The following DNAJC5G variants were observed in gnomAD, a reference collection of about 807,000 sequenced individuals.
DNAJC5G encodes DnaJ heat shock protein family (Hsp40) member C5 gamma.
DNAJC5G carries 13 observed loss-of-function variants against 19.1 expected under a neutral mutation model. The observed-to-expected ratio is 0.68, with a 90% CI of 0.44 to 1.08. The LOEUF (loss-of-function observed/expected upper bound fraction) is 1.08. Among genes scored for constraint, DNAJC5G ranks in the 50% least tolerant of loss-of-function variants. The probability of loss-of-function intolerance (pLI) is 0.00; values close to 1 mark genes in which losing one functional copy is unlikely to be tolerated. For synonymous variants in DNAJC5G, 81 were observed against 84.4 expected, an observed-to-expected ratio of 0.96 and a Z score of 0.22; for missense variants, 245 against 230.4, an observed-to-expected ratio of 1.06 and a Z score of -0.41.
chr2:27,278,383 T>G, intron 5 of DNAJC5G, 51 bp downstream of exon 5: 1 of 1,605,784 alleles, frequency 6.2e-7, no homozygotes, highest in Non-Finnish European at 8.5e-7. Context: ...GGATTGGGAA[T>G]GAAAGAAATG....
At chr2:27,279,797 C>T (rs1372227348) in intron 5 of DNAJC5G, among the ~76,000 whole-genome samples, 6 of 151,478 alleles carry the variant, frequency 4.0e-5, no homozygotes, top group African/African-American at 1.5e-4. Context: ...GCAGTGCACA[C>T]CTGTAGTCTC....
Position 27,276,753 on chromosome 2 carries a change from C to T in DNAJC5G, c.25C>T (p.His9Tyr), listed in dbSNP as rs1226226331. The T allele has an allele frequency of 3.7e-6, 6 of 1,614,034 alleles. No homozygotes were observed. Among genetic ancestry groups the T allele is most frequent in the Middle Eastern group, 1.7e-4 (1 of 6,046 alleles). The change falls in exon 3 of 7, where the codon CAC (histidine) becomes TAC (tyrosine). Residue 9 changes from histidine (H) to tyrosine (Y), a missense_variant. His to Tyr is a moderately conservative substitution (Grantham distance 83). Coordinates refer to ENST00000296097, the MANE Select transcript of DNAJC5G (RefSeq NM_173650.3). The stretch of plus-strand genomic sequence containing the variant: ...CATGTCTACTGTGAAGGAAGCAGCA[C>T]ACCGGCTGTCCAAAAGTGAGATGAG... MSTVKEAAHRLSKSEMSLY... is the reference protein window; with the variant it reads MSTVKEAAYRLSKSEMSLY...
Position 27,278,176 on chromosome 2 carries a change from C to T in DNAJC5G, c.376-12C>T. 1 of 1,614,140 alleles carries T rather than the reference C, an allele frequency of 6.2e-7. No homozygotes were observed. The highest frequency in any genetic ancestry group is 8.5e-7 in the Non-Finnish European group (1 of 1,180,036). ...AACTGCTGGACTGAGGCCATTCTCG[C>T]CTACCTTTTAGACACTTGTCATCCT... On this transcript the variant is annotated splice_polypyrimidine_tract_variant and intron_variant, in intron 4 of 6. Transcript: ENST00000296097.
At position 27,280,244 on chromosome 2, in the gene DNAJC5G, C is replaced by G; in HGVS notation, c.*18+11C>G. The stretch of plus-strand genomic sequence containing the variant: ...ATGAAGAAGGATGAGGTATGTAAAC[C>G]GAAAGGCAGCAACAGTTATCAGATA... On this transcript the variant is annotated intron_variant, in intron 6 of 6. Transcript: ENST00000296097. 6.2e-7 allele frequency: 1 copy of G among 1,607,424 alleles called. No homozygotes were observed.
chr2:27,280,188 C>G lies in DNAJC5G; in HGVS notation c.543C>G (p.Ser181Arg), dbSNP rs766733522. The stretch of plus-strand genomic sequence containing the variant: ...TAGGAGCCAAATGTGATTTTAGAAG[C>G]GAGGAAAATAGCGAAGATGATTTTT... Reference protein sequence around the residue: ...PRSGAKCDFRSEENSEDDF With the variant: ...PRSGAKCDFRREENSEDDF Residue 181 changes from serine (S) to arginine (R), a missense_variant, in exon 6 of 7, where the codon AGC becomes AGG. Coordinates refer to ENST00000296097, the MANE Select transcript of DNAJC5G (RefSeq NM_173650.3). 1 of 1,613,596 alleles carries G rather than the reference C, an allele frequency of 6.2e-7. No homozygotes were observed.
At chr2:27,277,026 C>T (rs1678122200) in intron 3 of DNAJC5G, among the ~76,000 whole-genome samples, 185 bp downstream of exon 3, 2 of 150,358 alleles carry the variant, frequency 1.3e-5, no homozygotes, top group Admixed American at 1.3e-4. Flanking sequence ...ACTGCAACCT[C>T]TGCCTCCCAG....
Position 27,277,249 on chromosome 2 carries a change from C to CGTTTGTTTGTTT in DNAJC5G, c.113+429_113+440dup, listed in dbSNP as rs370986157. On this transcript the variant is annotated intron_variant, in intron 3 of 6. Coordinates refer to ENST00000296097, the MANE Select transcript of DNAJC5G (RefSeq NM_173650.3). The stretch of plus-strand genomic sequence containing the variant: ...GAACCACTGTGCCTGGCCTACGACC[C>CGTTTGTTTGTTT]GTTTGTTTGTTTGTTTGTTTGTTTG... Among the ~76,000 whole-genome samples, 83 of 147,860 alleles carry CGTTTGTTTGTTT rather than the reference C, an allele frequency of 5.6e-4. 1 individual carries two copies. Among genetic ancestry groups the CGTTTGTTTGTTT allele is most frequent in the African/African-American group, 2.0e-3 (75 of 38,428 alleles).
In DNAJC5G at chr2:27,278,240, G is replaced by A. The variant is rs1243020608; in HGVS notation, c.428G>A (p.Cys143Tyr). Residue 143 changes from cysteine to tyrosine, a missense_variant, in exon 5 of 7, where the codon TGC becomes TAC. By Grantham distance (194) the Cys-to-Tyr change is radical. Coordinates refer to ENST00000296097, the MANE Select transcript of DNAJC5G (RefSeq NM_173650.3). ...ACTTGTTGCTGTTTCTGTTGTTGCT[G>A]CTGTTTTTGCTGTGGAGCACTTAAA... ...LLTCCCFCCC[C>Y]CFCCGALKPP... The A allele has an allele frequency of 6.2e-7, 1 of 1,614,190 alleles. No individual in the cohort carries two copies.
chr2:27,278,004 T>C lies in DNAJC5G; in HGVS notation c.364T>C (p.Cys122Arg). Residue 122 changes from cysteine to arginine, a missense_variant, in exon 4 of 7, where the codon TGT becomes CGT. Transcript: ENST00000296097. ...CAGATACTATTTTATTCTGAATAGT[T>C]GTTGGTTCAAGGTACACAATTCTCC... ...GVRYYFILNS[C>R]WFKTLVILCT... 1 of 1,614,160 alleles carries C rather than the reference T, an allele frequency of 6.2e-7. No individual in the cohort carries two copies. Among genetic ancestry groups the C allele is most frequent in the East Asian group, 2.2e-5 (1 of 44,874 alleles).
In DNAJC5G at chr2:27,277,826, C is replaced by G. The variant is rs779701255; in HGVS notation, c.186C>G (p.Pro62=). The G allele has an allele frequency of 3.7e-6, 6 of 1,614,030 alleles. No individual in the cohort carries two copies. The highest frequency in any genetic ancestry group is 1.3e-5 in the African/African-American group (1 of 74,896). The change falls in exon 4 of 7, where the codon CCC becomes CCG. Residue 62 remains proline, a synonymous_variant. Transcript: ENST00000296097. ...LGRKLALRYH[P]DKNPGNAQAA... is the part of the protein sequence containing the mutation. ...GGAAACTGGCCTTGCGGTATCATCC[C>G]GACAAGAATCCAGGGAATGCTCAAG...
At chr2:27,279,583 C>T (rs1678274733) in intron 5 of DNAJC5G, among the ~76,000 whole-genome samples, 1 of 152,090 alleles carries the variant, frequency 6.6e-6, no homozygotes, top group Admixed American at 6.5e-5. Context: ...AGGCATGAGC[C>T]ACTGTGCCTG....
rs1558577781 is a variant in DNAJC5G at position 27,280,119 on chromosome 2, GT to G, written c.521-45del. On this transcript the variant is annotated intron_variant, in intron 5 of 6. Transcript: ENST00000296097. ...TTTTCTCATCAGTACACTACGAAAAGTTACTAAACGTTTGTATATGTAAACA... is the reference window on the plus strand; with the variant it reads ...TTTTCTCATCAGTACACTACGAAAAGTACTAAACGTTTGTATATGTAAACA... The G allele has an allele frequency of 2.5e-6, 4 of 1,584,826 alleles. No individual in the cohort carries two copies. The Admixed American group carries it at 5.0e-5, about 20-fold the overall frequency.
Position 27,277,911 on chromosome 2 carries a change from C to CG in DNAJC5G, c.273dup (p.Lys92GlufsTer15). On this transcript the variant is annotated frameshift_variant, in exon 4 of 7. Transcript: ENST00000296097. LOFTEE classifies it high-confidence loss of function. The stretch of plus-strand genomic sequence containing the variant: ...TGCCATACTGAGCGACTCTAAGAAG[C>CG]GGAAAATTTACGACCAGCATGGCTC... 1.9e-6 allele frequency: 3 copies of CG among 1,614,142 alleles called. No individual in the cohort carries two copies. Among genetic ancestry groups the CG allele is most frequent in the Non-Finnish European group, 2.5e-6 (3 of 1,180,044 alleles).
intron 5 of DNAJC5G, 138 bp from the exon 6 acceptor site, chr2:27,280,028 T>C (rs1678298227): frequency 9.3e-6 from 7 of 749,330 alleles, no homozygotes; most frequent in Non-Finnish European, 1.6e-5. Context: ...AATGAACTTT[T>C]ATAAGCTGAT....
rs779123700 is a variant in DNAJC5G at position 27,278,143 on chromosome 2, A to T, written c.376-45A>T. The T allele has an allele frequency of 6.2e-6, 10 of 1,613,902 alleles. No homozygotes were observed. In the South Asian group the frequency reaches 1.1e-4, roughly 18 times the overall value. On this transcript the variant is annotated intron_variant, in intron 4 of 6. Transcript: ENST00000296097. Reference sequence around the variant, plus strand: ...TTGAGGGAGGGAAGCTTGAGCAGTCATATAGAAAACTGCTGGACTGAGGCC... The same window carrying T: ...TTGAGGGAGGGAAGCTTGAGCAGTCTTATAGAAAACTGCTGGACTGAGGCC...
At chr2:27,277,249 C>A (rs920328814) in intron 3 of DNAJC5G, among the ~76,000 whole-genome samples, 1 of 147,862 alleles carries the variant, frequency 6.8e-6, no homozygotes, top group East Asian at 2.0e-4. Context: ...GCCTACGACC[C>A]GTTTGTTTGT....
intron 3 of DNAJC5G, 141 bp downstream of exon 3, chr2:27,276,982 G>C: frequency 2.7e-6 from 2 of 729,374 alleles, no homozygotes; most frequent in Non-Finnish European, 4.3e-6. Flanking sequence ...CAGAGACAGA[G>C]ACTATTGAGA....
chr2:27,277,893 C>G lies in DNAJC5G; in HGVS notation c.253C>G (p.Leu85Val), dbSNP rs961044239. 1 of 1,614,086 alleles carries G rather than the reference C, an allele frequency of 6.2e-7. No homozygotes were observed. Among genetic ancestry groups the G allele is most frequent in the African/African-American group, 1.3e-5 (1 of 74,924 alleles). The change falls in exon 4 of 7, where the codon CTG (leucine) becomes GTG (valine). Residue 85 changes from leucine (L) to valine (V), a missense_variant. By Grantham distance (32) the Leu-to-Val change is conservative. Transcript: ENST00000296097. ...FKEINAAHAI[L>V]SDSKKRKIYD... ...AGAGATCAACGCAGCTCATGCCATACTGAGCGACTCTAAGAAGCGGAAAAT... is the reference window on the plus strand; with the variant it reads ...AGAGATCAACGCAGCTCATGCCATAGTGAGCGACTCTAAGAAGCGGAAAAT...
intron 5 of DNAJC5G, among the ~76,000 whole-genome samples, chr2:27,278,949 G>C (rs1329568080): frequency 1.4e-5 from 2 of 147,342 alleles, no homozygotes; most frequent in African/African-American, 2.5e-5. Context: ...AAGTTTCCGT[G>C]AGCCAAGATC....
Sources: allele counts gnomAD v4.1 joint callset (sites outside exome capture counted in the v4.1 genomes callset), GRCh38; gene constraint gnomAD v4.1.1; transcripts MANE v1.5; gene names NCBI Gene and HGNC (gene_info 2026-07-23, HGNC 2026-07-21).